The following POMGNT1 variants were observed in gnomAD, a reference collection of about 807,000 sequenced individuals.
The protein encoded by POMGNT1 is protein O-linked-mannose beta-1,2-N-acetylglucosaminyltransferase 1.
A neutral mutation model predicts 95.6 loss-of-function variants in POMGNT1; 67 were observed. The observed-to-expected ratio is 0.70, with a 90% CI of 0.58 to 0.86. The LOEUF is 0.86. POMGNT1 is among the 40% of genes least tolerant of loss of function. The pLI, the probability that POMGNT1 is intolerant of heterozygous loss-of-function variation, is 0.00. For missense variants in POMGNT1, 719 were observed against 855.2 expected, an observed-to-expected ratio of 0.84 and a Z score of 1.99; for synonymous variants, 298 against 317.9, an observed-to-expected ratio of 0.94 and a Z score of 0.66.
intron 1 of POMGNT1, among the ~76,000 whole-genome samples, chr1:46,208,614 G>A (rs530525080): frequency 3.3e-5 from 5 of 152,178 alleles, no homozygotes; most frequent in South Asian, 2.1e-4. Context: ...AGGCCGAGGC[G>A]GGCGGATCAC....
Position 46,189,213 on chromosome 1 carries a change from G to T in POMGNT1, c.*57C>A. The T allele has an allele frequency of 6.4e-7, 1 of 1,572,416 alleles. No individual in the cohort carries two copies. Among genetic ancestry groups the T allele is most frequent in the Admixed American group, 1.9e-5 (1 of 51,392 alleles). ...ACAAAATCCTACAGGATGGAGGGAAGGGCTAGCCAGCCTGGGGGTACACAG... is the reference window on the plus strand; with the variant it reads ...ACAAAATCCTACAGGATGGAGGGAATGGCTAGCCAGCCTGGGGGTACACAG... On this transcript the variant is annotated 3_prime_UTR_variant, in exon 22 of 22. Coordinates refer to ENST00000371984, the MANE Select transcript of POMGNT1 (RefSeq NM_017739.4).
rs774184831 is a variant in POMGNT1, at chr1:46,188,948, C to A, written c.*322G>T. 1.2e-6 allele frequency: 2 copies of A among 1,612,720 alleles called. No individual in the cohort carries two copies. Among genetic ancestry groups the A allele is most frequent in the Non-Finnish European group, 1.7e-6 (2 of 1,179,880 alleles). ...CGGCCTGTTTTCAAGGCCCTCAGGA[C>A]AGTCAATAAATAGGTTAGATTCTGA... On this transcript the variant is annotated 3_prime_UTR_variant, in exon 22 of 22. Coordinates refer to ENST00000371984, the MANE Select transcript of POMGNT1 (RefSeq NM_017739.4).
chr1:46,189,012 G>T lies in POMGNT1; in HGVS notation c.*258C>A. On this transcript the variant is annotated 3_prime_UTR_variant, in exon 22 of 22. Transcript: ENST00000371984. ...AGTGAGGGTATTCAAAGGGCAGGAT[G>T]AGCTGCTAGGGATCGTAATGATTCC... 6.3e-7 allele frequency: 1 copy of T among 1,592,898 alleles called. No homozygotes were observed.
chr1:46,202,916 G>GGT (rs1553164822), upstream of POMGNT1, among the ~76,000 whole-genome samples: 62 of 95,768 alleles, frequency 6.5e-4, 7 homozygotes, highest in South Asian at 1.2e-3. Flanking sequence ...TGGGGGGGGG[G>GGT]GGTGGTGTGT....
chr1:46,198,401 C>T lies in POMGNT1; in HGVS notation c.-116G>A, dbSNP rs1017607161. 1 of 151,756 alleles carries T rather than the reference C, an allele frequency of 6.6e-6. No homozygotes were observed. Among genetic ancestry groups the T allele is most frequent in the Middle Eastern group, 3.2e-3 (1 of 316 alleles). The allele number at this position is 151,756 out of a possible 1,614,324, so 9.4% of individuals were successfully genotyped here. ...CCTCACTGCTCGGCCCGGCTCGCCG[C>T]GGCCTCCGCCTCCTCCATGCCGCTT... On this transcript the variant is annotated 5_prime_UTR_variant, in exon 1 of 22. Coordinates refer to ENST00000371984, the MANE Select transcript of POMGNT1 (RefSeq NM_017739.4).
chr1:46,194,039 G>A, intron 9 of POMGNT1, 114 bp from the exon 10 acceptor site: 1 of 1,559,588 alleles, frequency 6.4e-7, no homozygotes, highest in Non-Finnish European at 8.7e-7. Flanking sequence ...ACAGGGAAGG[G>A]ATAGAGGATC....
chr1:46,219,790 G>T, exon 1 of POMGNT1: 7 of 1,614,142 alleles, frequency 4.3e-6, no homozygotes, highest in Non-Finnish European at 5.1e-6. Flanking sequence ...TTGGAGGAGC[G>T]GGGGACGTTG....
At position 46,193,397 on chromosome 1, in the gene POMGNT1, C is replaced by T; in HGVS notation, c.1027-9G>A. The T allele has an allele frequency of 3.1e-6, 5 of 1,610,626 alleles. No homozygotes were observed. The highest frequency in any genetic ancestry group is 4.2e-6 in the Non-Finnish European group (5 of 1,178,332). ...ACCACATCCATGGGTTCCTGGGGGA[C>T]ATGGCCACTGCTCACCATGTGAGGT... On this transcript the variant is annotated splice_polypyrimidine_tract_variant and intron_variant, in intron 11 of 21. Coordinates refer to ENST00000371984, the MANE Select transcript of POMGNT1 (RefSeq NM_017739.4).
Position 46,192,261 on chromosome 1 carries a change from C to T in POMGNT1, c.1414-38G>A, listed in dbSNP as rs72897094. On this transcript the variant is annotated intron_variant, in intron 16 of 21. Transcript: ENST00000371984. The stretch of plus-strand genomic sequence containing the variant: ...GACCACGATGAAGGTTAAGATGTTT[C>T]GAGTTGGTAGGGGACTCCAGCCCCC... 2,298 of 1,614,128 alleles carry T rather than the reference C, an allele frequency of 1.4e-3. 32 individuals carry two copies. The African/African-American group carries it at 0.027, about 19-fold the overall frequency.
In POMGNT1 at chr1:46,206,499, TG is replaced by T. The variant is rs1571682291; in HGVS notation, c.-50-8629del. Among the ~76,000 whole-genome samples, 4 of 152,224 alleles carry T rather than the reference TG, an allele frequency of 2.6e-5. No individual in the cohort carries two copies. The East Asian group carries it at 7.7e-4, about 29-fold the overall frequency. ...GAGGAGTAGGGAGCCTGAATCTCCT[TG>T]GAAGGAGAATTGGGTTTGGAGTCGC... On this transcript the variant is annotated intron_variant, in intron 1 of 22. Coordinates refer to the POMGNT1 transcript ENST00000371992.
chr1:46,210,377 G>A (rs544063149), intron 1 of POMGNT1, among the ~76,000 whole-genome samples: 4 of 152,142 alleles, frequency 2.6e-5, no homozygotes, highest in South Asian at 4.2e-4. Flanking sequence ...CAAGCAATCA[G>A]TTCTGCAGCA....
intron 1 of POMGNT1, among the ~76,000 whole-genome samples, chr1:46,208,466 G>A (rs1427299680): frequency 6.6e-6 from 1 of 152,194 alleles, no homozygotes. Flanking sequence ...TCTCGAGGAA[G>A]GGCAAGGAAG....
rs949714416 is a variant in POMGNT1, at chr1:46,194,931, C to G, written c.565G>C (p.Ala189Pro). The G allele has an allele frequency of 2.5e-6, 4 of 1,614,048 alleles. No individual in the cohort carries two copies. In the African/African-American group the frequency reaches 5.3e-5, roughly 22 times the overall value. Residue 189 changes from alanine (A) to proline (P), a missense_variant, in exon 7 of 22, where the codon GCC becomes CCC. Ala to Pro is a conservative substitution (Grantham distance 27). Around this residue, in one of 5 missense-constraint regions of POMGNT1, gnomAD observed 466 missense variants for 517.4 expected, o/e 0.90. Coordinates refer to ENST00000371984, the MANE Select transcript of POMGNT1 (RefSeq NM_017739.4). ...DEGSFHLKDT[A>P]KALLRSLGSQ... is the part of the protein sequence containing the mutation. Reference sequence around the variant, plus strand: ...CCCAGGCTCCTCAGCAGAGCCTTGGCTGTGTCCTTGAGGTGGAAGGAGCCC... The same window carrying G: ...CCCAGGCTCCTCAGCAGAGCCTTGGGTGTGTCCTTGAGGTGGAAGGAGCCC...
In POMGNT1 at chr1:46,196,451, G is replaced by A. The variant is rs1658247661; in HGVS notation, c.354+280C>T. 6.6e-6 allele frequency among the ~76,000 whole-genome samples: 1 copy of A among 152,252 alleles called. No individual in the cohort carries two copies. The highest frequency in any genetic ancestry group is 2.4e-5 in the African/African-American group (1 of 41,466). On this transcript the variant is annotated intron_variant, in intron 4 of 21. Coordinates refer to ENST00000371984, the MANE Select transcript of POMGNT1 (RefSeq NM_017739.4). This position sits in a 1 kb window ranked among gnomAD's most constrained non-coding sequence, Gnocchi z 4.4. ...AAGGCTGAGGCCAAAGAAAGGACCA[G>A]GGGATGGTTATAAAATAAATCAATG...
chr1:46,207,600 G>A (rs1196786953), intron 1 of POMGNT1, among the ~76,000 whole-genome samples: 11 of 150,880 alleles, frequency 7.3e-5, no homozygotes, highest in Non-Finnish European at 1.3e-4. Context: ...GTGCAGTGGT[G>A]CGATCTCGGC....
chr1:46,219,900 A>G (rs754111944), exon 1 of POMGNT1: 4 of 1,614,014 alleles, frequency 2.5e-6, no homozygotes, highest in Non-Finnish European at 1.7e-6. Flanking sequence ...GCCAGACACC[A>G]GCACCACCGA....
intron 10 of POMGNT1, 75 bp downstream of exon 10, chr1:46,193,780 A>G: frequency 1.2e-6 from 2 of 1,603,498 alleles, no homozygotes; most frequent in Non-Finnish European, 1.7e-6. Context: ...TGCCCACCTC[A>G]AGAGTTCCTC....
chr1:46,219,641 A>G (rs1278665951), intron 1 of POMGNT1: 1 of 1,506,254 alleles, frequency 6.6e-7, no homozygotes, highest in African/African-American at 1.4e-5. Context: ...GGCCTGTGGA[A>G]ACGCTGGGGA....
chr1:46,209,658 A>G (rs1020090195), intron 1 of POMGNT1, among the ~76,000 whole-genome samples: 1 of 148,402 alleles, frequency 6.7e-6, no homozygotes, highest in African/African-American at 2.5e-5. Flanking sequence ...GATTACATGC[A>G]CCCGCCACCA....
Sources: gnomAD v4.1 joint callset for allele counts (sites outside exome capture counted in the v4.1 genomes callset) on GRCh38, gnomAD v4.1.1 for gene constraint, gnomAD v4.1.1 regional missense constraint, Gnocchi (gnomAD v3.1) non-coding constraint, MANE v1.5 for transcripts, NCBI Gene and HGNC (gene_info 2026-07-23, HGNC 2026-07-21) for gene names.